NUP133: variants seen among roughly 807,000 people sequenced by gnomAD.
NUP133 encodes the protein nucleoporin 133, also known as nuclear pore complex protein Nup133.
NUP133 carries 66 observed loss-of-function variants against 146.2 expected under a neutral mutation model. The ratio of observed to expected loss-of-function variants is 0.45; its 90% confidence interval spans 0.37 to 0.55. NUP133 has a LOEUF of 0.55. NUP133 is among the 20% of genes least tolerant of loss of function. The pLI, the probability that NUP133 is intolerant of heterozygous loss-of-function variation, is 0.00. For synonymous variants in NUP133, 521 were observed against 498.8 expected, an observed-to-expected ratio of 1.04 and a Z score of -0.59; for missense variants, 1,277 against 1,374.8, an observed-to-expected ratio of 0.93 and a Z score of 1.12.
intron 5 of NUP133, among the ~76,000 whole-genome samples, chr1:229,498,633 G>A (rs1156823049): frequency 1.3e-5 from 2 of 152,090 alleles, no homozygotes; most frequent in African/African-American, 2.4e-5. Flanking sequence ...GTGCGCACCT[G>A]TAATCCCAGC....
intron 21 of NUP133, among the ~76,000 whole-genome samples, chr1:229,455,324 G>A (rs1192732393): frequency 1.3e-5 from 2 of 152,182 alleles, no homozygotes; most frequent in African/African-American, 2.4e-5. Flanking sequence ...TTTGGAGGCC[G>A]AGGTGGGCAC....
chr1:229,452,899 T>C (rs1478163708), intron 21 of NUP133, among the ~76,000 whole-genome samples: 3 of 152,108 alleles, frequency 2.0e-5, no homozygotes, highest in Non-Finnish European at 2.9e-5. Context: ...AGAGAACAAG[T>C]AAGGAAATAC....
chr1:229,508,094 G>A lies in NUP133; in HGVS notation c.156C>T (p.Val52=). The A allele has an allele frequency of 2.0e-6, 3 of 1,504,922 alleles. No individual in the cohort carries two copies. The highest frequency in any genetic ancestry group is 2.6e-5 in the East Asian group (1 of 38,392). The allele number at this position is 1,504,922 out of a possible 1,614,324, so 93.2% of individuals were successfully genotyped here. ...GCGAGCTTAGCGAGCTACGCCGGCCGACCGGCGAGAAGAGCACTGGGGAGC... is the reference window on the plus strand; with the variant it reads ...GCGAGCTTAGCGAGCTACGCCGGCCAACCGGCGAGAAGAGCACTGGGGAGC... ...AVSSPVLFSP[V]GRRSSLSSRG... The change falls in exon 1 of 26, where the codon GTC becomes GTT. Residue 52 remains valine (V), a synonymous_variant. Transcript: ENST00000261396.
intron 13 of NUP133, among the ~76,000 whole-genome samples, 155 bp downstream of exon 13, chr1:229,477,439 CAAA>C (rs545949314): frequency 2.7e-5 from 2 of 73,218 alleles, no homozygotes; most frequent in Admixed American, 1.4e-4. Context: ...TGCTCTGTCT[CAAA>C]AAAAAAAAAA....
At chr1:229,452,432 T>C in intron 22 of NUP133, 93 bp downstream of exon 22, 1 of 878,028 alleles carries the variant, frequency 1.1e-6, no homozygotes, top group Non-Finnish European at 1.7e-6. Flanking sequence ...AGTAGAACAA[T>C]AACTCCTCTT....
Position 229,443,627 on chromosome 1 carries a change from T to C in NUP133, c.3334+1287A>G, listed in dbSNP as rs935448465. Among the ~76,000 whole-genome samples, 7 of 152,034 alleles carry C rather than the reference T, an allele frequency of 4.6e-5. No homozygotes were observed. In the East Asian group the frequency reaches 5.8e-4, roughly 13 times the overall value. On this transcript the variant is annotated intron_variant, in intron 25 of 25. Transcript: ENST00000261396. ...AAAACACTATTGTACATGAAAGCCATATTAAGAAGGTTCCAAAAGTACATT... is the reference window on the plus strand; with the variant it reads ...AAAACACTATTGTACATGAAAGCCACATTAAGAAGGTTCCAAAAGTACATT...
chr1:229,482,210 CAGAATGTT>C (rs1347226362), intron 12 of NUP133, among the ~76,000 whole-genome samples: 1 of 151,998 alleles, frequency 6.6e-6, no homozygotes, highest in Non-Finnish European at 1.5e-5. Context: ...TCACGAGGTA[CAGAATGTT>C]AGAACTGTAA....
intron 8 of NUP133, among the ~76,000 whole-genome samples, chr1:229,490,906 G>A (rs1017384242): frequency 3.4e-5 from 5 of 149,128 alleles, no homozygotes; most frequent in African/African-American, 5.0e-5. Context: ...AGCTGAGATC[G>A]CACCACTGCA....
chr1:229,476,694 C>T (rs1050387369), intron 13 of NUP133, among the ~76,000 whole-genome samples: 2 of 151,830 alleles, frequency 1.3e-5, no homozygotes, highest in Non-Finnish European at 2.9e-5. Context: ...GAGATCAAAG[C>T]GGGTGGACCA....
chr1:229,483,441 G>C (rs1297636001), intron 12 of NUP133, among the ~76,000 whole-genome samples: 1 of 152,028 alleles, frequency 6.6e-6, no homozygotes, highest in African/African-American at 2.4e-5. Context: ...GCATGCGGCT[G>C]GAAGTGGTGG....
chr1:229,471,213 T>C (rs1009567614), intron 14 of NUP133, among the ~76,000 whole-genome samples: 1 of 152,064 alleles, frequency 6.6e-6, no homozygotes, highest in African/African-American at 2.4e-5. Flanking sequence ...CCTTAAACCC[T>C]CAGCTCAAGC....
intron 8 of NUP133, among the ~76,000 whole-genome samples, chr1:229,491,623 C>CA (rs1341599754): frequency 6.6e-6 from 1 of 152,142 alleles, no homozygotes; most frequent in African/African-American, 2.4e-5. Context: ...TACTAAAATA[C>CA]AAAAGTTAGC....
intron 15 of NUP133, among the ~76,000 whole-genome samples, chr1:229,470,155 G>A (rs1336212847): frequency 6.6e-6 from 1 of 151,778 alleles, no homozygotes; most frequent in Non-Finnish European, 1.5e-5. Context: ...TCAGGAGTTC[G>A]ACATCAAACC....
chr1:229,476,094 C>T (rs1190489198), intron 13 of NUP133, among the ~76,000 whole-genome samples: 2 of 147,462 alleles, frequency 1.4e-5, no homozygotes, highest in Non-Finnish European at 3.0e-5. Flanking sequence ...GGCGACAGAG[C>T]GAGACTCGGT....
At chr1:229,461,462 A>G (rs1055510660) in intron 19 of NUP133, among the ~76,000 whole-genome samples, 4 of 152,228 alleles carry the variant, frequency 2.6e-5, no homozygotes, top group Admixed American at 2.6e-4. Context: ...ATATTACAAG[A>G]GCTGAGACCG....
At chr1:229,456,274 C>T (rs929236006) in intron 21 of NUP133, among the ~76,000 whole-genome samples, 1 of 152,180 alleles carries the variant, frequency 6.6e-6, no homozygotes, top group African/African-American at 2.4e-5. Flanking sequence ...AGCCCCTAAA[C>T]TCAATGGTCT....
At chr1:229,484,011 C>T (rs1238882275) in intron 12 of NUP133, 43 bp downstream of exon 12, 3 of 1,366,114 alleles carry the variant, frequency 2.2e-6, no homozygotes, top group Admixed American at 1.7e-5. Flanking sequence ...TAAAACATAT[C>T]CTCACACATA....
chr1:229,444,641 G>A (rs570796369), intron 25 of NUP133, among the ~76,000 whole-genome samples: 2 of 151,552 alleles, frequency 1.3e-5, no homozygotes, highest in East Asian at 1.9e-4. Context: ...GAGGTCAGGA[G>A]TTCGAGACCA....
chr1:229,455,249 G>A (rs1660535873), intron 21 of NUP133, among the ~76,000 whole-genome samples: 1 of 152,036 alleles, frequency 6.6e-6, no homozygotes, highest in South Asian at 2.1e-4. Flanking sequence ...GAGATTCCCC[G>A]CTCCAATTTT....
Sources: gnomAD v4.1 joint callset for allele counts (sites outside exome capture counted in the v4.1 genomes callset) on GRCh38, gnomAD v4.1.1 for gene constraint, MANE v1.5 for transcripts, NCBI Gene and HGNC (gene_info 2026-07-23, HGNC 2026-07-21) for gene names.